POLN: variants seen among roughly 807,000 people sequenced by gnomAD.
POLN encodes DNA polymerase N.
A neutral mutation model predicts 113.5 loss-of-function variants in POLN; 108 were observed. The ratio of observed to expected loss-of-function variants is 0.95; its 90% CI spans 0.81 to 1.12. The LOEUF (loss-of-function observed/expected upper bound fraction) is 1.12, where lower values mean the gene tolerates loss of function less well. Ranked by LOEUF, POLN falls within the 50% of genes most tolerant of loss-of-function variation. The pLI, the probability that POLN is intolerant of heterozygous loss-of-function variation, is 0.00. For missense variants in POLN, 1,097 were observed against 1,077.1 expected, an observed-to-expected ratio of 1.02 and a Z score of -0.26; for synonymous variants, 386 against 391.5, an observed-to-expected ratio of 0.99 and a Z score of 0.17.
At chr4:2,195,190 T>G (rs531974012) in intron 6 of POLN, among the ~76,000 whole-genome samples, 2 of 152,294 alleles carry the variant, frequency 1.3e-5, no homozygotes, top group South Asian at 4.1e-4. Context: ...ATCATAGGAT[T>G]GGGATTATTA....
intron 16 of POLN, among the ~76,000 whole-genome samples, chr4:2,145,009 T>C (rs1732101100): frequency 6.6e-6 from 1 of 152,160 alleles, no homozygotes; most frequent in South Asian, 2.1e-4. Flanking sequence ...TTTGTCAAAA[T>C]TCACAAATGA....
intron 7 of POLN, among the ~76,000 whole-genome samples, chr4:2,192,705 C>T (rs979955866): frequency 4.6e-5 from 7 of 151,806 alleles, no homozygotes; most frequent in East Asian, 1.9e-4. Flanking sequence ...CAGTGGCTCA[C>T]GCCTATAATC....
Position 2,147,643 on chromosome 4 carries a change from CT to C in POLN, c.1731+9144del, listed in dbSNP as rs747184067. ...AGATCAGACATCCAGTTTTTCTTTT[CT>C]TTTTTTTTTTTTTTTGAGACAAAGT... On this transcript the variant is annotated intron_variant, in intron 16 of 25. Coordinates refer to ENST00000511885, the MANE Select transcript of POLN (RefSeq NM_181808.4). Among the ~76,000 whole-genome samples, 113 of 79,358 alleles carry C rather than the reference CT, an allele frequency of 1.4e-3. 7 individuals are homozygous for C. The East Asian group carries it at 0.025, about 18-fold the overall frequency. 52.1% of individuals were successfully genotyped at this position (79,358 alleles called of 152,430 possible).
At chr4:2,233,501 T>C (rs1189681444) in intron 2 of POLN, among the ~76,000 whole-genome samples, 3 of 152,160 alleles carry the variant, frequency 2.0e-5, no homozygotes, top group Non-Finnish European at 4.4e-5. Flanking sequence ...CATCATATGA[T>C]TGTTTCTGGC....
chr4:2,134,776 A>G (rs1731812605), intron 16 of POLN, among the ~76,000 whole-genome samples: 1 of 152,220 alleles, frequency 6.6e-6, no homozygotes, highest in African/African-American at 2.4e-5. Context: ...AGTACTGATC[A>G]CAACGTTGAA....
Position 2,198,650 on chromosome 4 carries a change from C to A in POLN, c.782G>T (p.Cys261Phe). The A allele has an allele frequency of 1.2e-6, 2 of 1,613,774 alleles. No homozygotes were observed. Reference protein sequence around the residue: ...VKRQAEGGHGCPDAPACGPVL... With the variant: ...VKRQAEGGHGFPDAPACGPVL... ...AGGACCACAGGCCGGGGCATCTGGA[C>A]AGCCATGGCCACCCTCTGCTTGGCG... Residue 261 changes from cysteine to phenylalanine, a missense_variant, in exon 6 of 26, where the codon TGT (cysteine) becomes TTT (phenylalanine). Transcript: ENST00000511885.
rs1731587417 is a variant in POLN at position 2,126,607 on chromosome 4, G to A, written c.1982+1506C>T. Among the ~76,000 whole-genome samples, 1 of 152,026 alleles carries A rather than the reference G, an allele frequency of 6.6e-6. No homozygotes were observed. The highest frequency in any genetic ancestry group is 2.4e-5 in the African/African-American group (1 of 41,334). On this transcript the variant is annotated intron_variant, in intron 19 of 25. Transcript: ENST00000511885. The surrounding 1 kb of genome is among the most constrained non-coding windows in gnomAD (Gnocchi z 4.6). ...ACCAGAGAGAAGCGGAGACCAGAGA[G>A]GAGTGGAGACCAGAGAGGAGTGGAG... is the stretch of plus-strand genomic sequence containing the variant.
chr4:2,234,191 C>A (rs1734678003), intron 2 of POLN: 1 of 152,130 alleles, frequency 6.6e-6, no homozygotes, highest in Non-Finnish European at 1.5e-5. Flanking sequence ...ATGTTTATTT[C>A]ATCATGCTAA....
chr4:2,101,883 G>A (rs969293232), intron 19 of POLN, among the ~76,000 whole-genome samples: 1 of 152,204 alleles, frequency 6.6e-6, no homozygotes, highest in Non-Finnish European at 1.5e-5. Flanking sequence ...GTCTTGAGCT[G>A]GGTAGGGGCT....
intron 3 of POLN, 192 bp downstream of exon 3, chr4:2,228,907 C>G (rs1410736730): frequency 4.4e-6 from 2 of 456,552 alleles, no homozygotes; most frequent in African/African-American, 2.0e-5. Context: ...GAGAGTGTTA[C>G]ATTTTTAAAG....
At chr4:2,122,010 T>C (rs1234024987) in intron 19 of POLN, among the ~76,000 whole-genome samples, 1 of 152,146 alleles carries the variant, frequency 6.6e-6, no homozygotes, top group East Asian at 1.9e-4. Context: ...TCCCAGTACT[T>C]TGACAAAAAT....
At chr4:2,150,601 T>C (rs1732268381) in intron 16 of POLN, among the ~76,000 whole-genome samples, 1 of 152,168 alleles carries the variant, frequency 6.6e-6, no homozygotes, top group African/African-American at 2.4e-5. Flanking sequence ...ACTCGAAAGC[T>C]ACAATAATAA....
chr4:2,096,269 C>T (rs529497051), intron 19 of POLN, among the ~76,000 whole-genome samples: 8 of 152,344 alleles, frequency 5.3e-5, no homozygotes, highest in Admixed American at 2.6e-4. Context: ...GGTGCCTGGG[C>T]CTGGGCCACG....
chr4:2,080,114 G>A lies in POLN; in HGVS notation c.2387+844C>T, dbSNP rs567357166. 3.0e-6 allele frequency: 3 copies of A among 985,528 alleles called. No homozygotes were observed. The Admixed American group carries it at 1.8e-4, about 60-fold the overall frequency. 61.0% of individuals were successfully genotyped at this position (985,528 alleles called of 1,614,324 possible). A position where few individuals can be genotyped will look rare whatever the true frequency, so the allele number is the denominator to read the frequency against. ...CCCTTCGGGGACTGACACTGTGGGGGGCTGGGGCAGGTTAGCTCCCAGAAG... is the reference window on the plus strand; with the variant it reads ...CCCTTCGGGGACTGACACTGTGGGGAGCTGGGGCAGGTTAGCTCCCAGAAG... On this transcript the variant is annotated intron_variant, in intron 23 of 25. Transcript: ENST00000511885.
intron 20 of POLN, among the ~76,000 whole-genome samples, chr4:2,091,800 T>TGCGTGCGC (rs1553893100): frequency 6.9e-6 from 1 of 144,848 alleles, no homozygotes; most frequent in Non-Finnish European, 1.5e-5. Flanking sequence ...TGTGTGTGTG[T>TGCGTGCGC]GCGCGCGCTA....
intron 5 of POLN, among the ~76,000 whole-genome samples, chr4:2,202,723 C>CAAAAAAAAAAAAA (rs34712930): frequency 1.4e-4 from 5 of 36,848 alleles, no homozygotes; most frequent in African/African-American, 2.0e-4. Flanking sequence ...GACTCTGTCT[C>CAAAAAAAAAAAAA]AAAAAAAAAA....
chr4:2,106,421 C>G (rs948665796), intron 19 of POLN, among the ~76,000 whole-genome samples: 2 of 152,208 alleles, frequency 1.3e-5, no homozygotes, highest in African/African-American at 4.8e-5. Context: ...TGACAATCAT[C>G]TCGAAGAAGT....
intron 19 of POLN, among the ~76,000 whole-genome samples, chr4:2,108,887 C>CAAAG (rs1463226222): frequency 1.3e-5 from 2 of 152,068 alleles, no homozygotes; most frequent in Admixed American, 6.5e-5. Flanking sequence ...CTCAGGCATG[C>CAAAG]AAAGACACTT....
chr4:2,092,560 T>C (rs1730694504), intron 20 of POLN, among the ~76,000 whole-genome samples: 1 of 152,182 alleles, frequency 6.6e-6, no homozygotes, highest in Non-Finnish European at 1.5e-5. Flanking sequence ...CTGCGGGGAC[T>C]GAGCACACAG....
Sources: gnomAD v4.1 joint callset for allele counts (sites outside exome capture counted in the v4.1 genomes callset) on GRCh38, gnomAD v4.1.1 for gene constraint, Gnocchi (gnomAD v3.1) non-coding constraint, MANE v1.5 for transcripts, NCBI Gene and HGNC (gene_info 2026-07-23, HGNC 2026-07-21) for gene names.